Variants in ASNSD1 observed in about 807,000 individuals in gnomAD.
ASNSD1 encodes asparagine synthetase domain containing 1.
Under a neutral mutation model 48.3 loss-of-function variants are expected in ASNSD1, and 36 were observed. The observed-to-expected ratio is 0.75, with a 90% CI of 0.57 to 0.99. The LOEUF (loss-of-function observed/expected upper bound fraction) is 0.99. ASNSD1 is among the 50% of genes least tolerant of loss of function. ASNSD1 has a pLI of 0.00. For synonymous variants in ASNSD1, 257 were observed against 262.1 expected (o/e 0.98, Z 0.19); for missense variants, 714 against 758.2 (o/e 0.94, Z 0.69).
chr2:189,666,152 C>G lies in ASNSD1; in HGVS notation c.20C>G (p.Ser7Cys). The G allele has an allele frequency of 6.3e-7, 1 of 1,579,776 alleles. No individual in the cohort carries two copies. The highest frequency in any genetic ancestry group is 8.6e-7 in the Non-Finnish European group (1 of 1,164,278). Residue 7 changes from serine (S) to cysteine (C), a missense_variant, in exon 4 of 6, where the codon TCT (serine) becomes TGT (cysteine). By Grantham distance (112) the Ser-to-Cys change is moderately radical. Transcript: ENST00000260952. Reference protein sequence around the residue: MCGICCSVNFSAEHFSQ... With the variant: MCGICCCVNFSAEHFSQ... ...ATAACAATGTGTGGCATTTGTTGTT[C>G]TGTAAACTTTTCTGCTGAGCATTTC...
intron 1 of ASNSD1, among the ~76,000 whole-genome samples, chr2:189,662,301 G>A (rs1366770777): frequency 6.6e-6 from 1 of 152,192 alleles, no homozygotes; most frequent in Admixed American, 6.5e-5. Context: ...GAGGGTTATA[G>A]CCCTTCAGGT....
At chr2:189,664,497 A>G (rs544602193) in intron 2 of ASNSD1, among the ~76,000 whole-genome samples, 217 of 152,378 alleles carry the variant, frequency 1.4e-3, no homozygotes, top group Non-Finnish European at 2.9e-3. Context: ...ATTCAGGAAG[A>G]AATGAGTTTG....
intron 5 of ASNSD1, among the ~76,000 whole-genome samples, chr2:189,668,378 A>G (rs192157178): frequency 0.012 from 1,823 of 152,250 alleles, 27 homozygotes; most frequent in Non-Finnish European, 0.014. Flanking sequence ...TTAGCTGATC[A>G]TGGTGCTGCA....
rs1325273008 is a variant in ASNSD1, at chr2:189,667,952, C to T, written c.1646+7C>T. The T allele has an allele frequency of 6.2e-7, 1 of 1,603,038 alleles. No homozygotes were observed. The highest frequency in any genetic ancestry group is 8.5e-7 in the Non-Finnish European group (1 of 1,175,666). ...ATCATGGAAAAGAAGCAAGGTAATT[C>T]TAATCATTTGAGTGTTCTTACGGTA... On this transcript the variant is annotated splice_region_variant and intron_variant, in intron 5 of 5. Transcript: ENST00000260952.
In ASNSD1 at chr2:189,667,037, C is replaced by A; in HGVS notation, c.905C>A (p.Pro302His). The A allele has an allele frequency of 6.2e-7, 1 of 1,613,896 alleles. No individual in the cohort carries two copies. Among genetic ancestry groups the A allele is most frequent in the Non-Finnish European group, 8.5e-7 (1 of 1,179,926 alleles). ...VAVKKRVLCL[P>H]RDENLTANEV... ...GTCAAGAAACGTGTCTTGTGTTTAC[C>A]TAGGGATGAAAACCTGACAGCAAAT... is the stretch of plus-strand genomic sequence containing the variant. The change falls in exon 4 of 6, where the codon CCT becomes CAT. Residue 302 changes from proline (P) to histidine (H), a missense_variant. Transcript: ENST00000260952.
Position 189,666,888 on chromosome 2 carries a change from A to C in ASNSD1, c.756A>C (p.Ala252=), listed in dbSNP as rs778351415. The C allele has an allele frequency of 1.5e-5, 25 of 1,613,998 alleles. No homozygotes were observed. The highest frequency in any genetic ancestry group is 1.5e-4 in the African/African-American group (11 of 74,938). ...TAAATATGATGTTGCCACAAGCTGC[A>C]TTGGAGACTCATTGCAGTAATATTT... ...VPLNMMLPQA[A]LETHCSNISN... The change falls in exon 4 of 6, where the codon GCA becomes GCC. Residue 252 remains alanine (A), a synonymous_variant. Coordinates refer to ENST00000260952, the MANE Select transcript of ASNSD1 (RefSeq NM_019048.4).
At position 189,667,512 on chromosome 2, in the gene ASNSD1, T is replaced by C; in HGVS notation, c.1380T>C (p.Ile460=). The change falls in exon 4 of 6, where the codon ATT becomes ATC. Residue 460 remains isoleucine, a synonymous_variant. Coordinates refer to ENST00000260952, the MANE Select transcript of ASNSD1 (RefSeq NM_019048.4). ...TGGATACAGTTTTGGATGATAGCAT[T>C]GGCTGTGCAGTCTGGTTTGCTTCTA... The part of the protein sequence containing the change: ...RPLDTVLDDS[I]GCAVWFASRG... 6.2e-7 allele frequency: 1 copy of C among 1,614,184 alleles called. No homozygotes were observed. Among genetic ancestry groups the C allele is most frequent in the South Asian group, 1.1e-5 (1 of 91,082 alleles).
chr2:189,670,035 G>A (rs1369584917), intron 5 of ASNSD1, among the ~76,000 whole-genome samples: 3 of 151,988 alleles, frequency 2.0e-5, no homozygotes, highest in African/African-American at 7.3e-5. Flanking sequence ...TAGGCTAGGT[G>A]CGGTGGCTCA....
chr2:189,670,453 G>C lies in ASNSD1; in HGVS notation c.1659G>C (p.Leu553=), dbSNP rs1452075266. The C allele has an allele frequency of 9.3e-6, 15 of 1,608,148 alleles. No individual in the cohort carries two copies. ...DHGKEARFPF[L]DENVVSFLNS... Reference sequence around the variant, plus strand: ...CTGTCTATTTTAGATTTCCTTTCCTGGATGAAAATGTTGTCTCCTTTCTAA... The same window carrying C: ...CTGTCTATTTTAGATTTCCTTTCCTCGATGAAAATGTTGTCTCCTTTCTAA... Residue 553 remains leucine (L), a synonymous_variant, in exon 6 of 6, where the codon CTG becomes CTC. Coordinates refer to ENST00000260952, the MANE Select transcript of ASNSD1 (RefSeq NM_019048.4).
intron 2 of ASNSD1, among the ~76,000 whole-genome samples, chr2:189,664,454 G>C (rs2032740904): frequency 6.6e-6 from 1 of 152,174 alleles, no homozygotes; most frequent in Admixed American, 6.5e-5. Flanking sequence ...CTACTGCTTT[G>C]TGTATGGTTA....
chr2:189,667,834 C>T lies in ASNSD1; in HGVS notation c.1535C>T (p.Ser512Leu), dbSNP rs746067946. 5.0e-6 allele frequency: 8 copies of T among 1,613,898 alleles called. No individual in the cohort carries two copies. The highest frequency in any genetic ancestry group is 2.7e-5 in the African/African-American group (2 of 74,902). The change falls in exon 5 of 6, where the codon TCG becomes TTG. Residue 512 changes from serine to leucine, a missense_variant. By Grantham distance (145) the Ser-to-Leu change is moderately radical. Transcript: ENST00000260952. ...TCTCGTCATCGTGTCCGCTTTCAGT[C>T]GCATGGGCTGGAAGGATTGAATAAG... ...GYSRHRVRFQ[S>L]HGLEGLNKEI...
At chr2:189,669,898 C>T (rs1482864216) in intron 5 of ASNSD1, among the ~76,000 whole-genome samples, 1 of 152,008 alleles carries the variant, frequency 6.6e-6, no homozygotes, top group Non-Finnish European at 1.5e-5. Context: ...CAAAATTTTA[C>T]CATAAGTGTT....
rs1358703631 is a variant in ASNSD1 at position 189,661,481 on chromosome 2, T to C, written c.-352T>C. On this transcript the variant is annotated 5_prime_UTR_variant, in exon 1 of 6. Transcript: ENST00000260952. ...GCTGTGGCTAATGCCGTAGGCTCCT[T>C]CAGGGCTGAGCCATCCCGCGTGTCT... 5.0e-6 allele frequency: 2 copies of C among 399,028 alleles called. No homozygotes were observed. The highest frequency in any genetic ancestry group is 4.4e-5 in the Admixed American group (1 of 22,720). 24.7% of individuals were successfully genotyped at this position (399,028 alleles called of 1,614,324 possible).
At position 189,666,141 on chromosome 2, in the gene ASNSD1, C is replaced by G. The variant is rs2032796055; in HGVS notation, c.9C>G (p.Gly3=). 6.4e-7 allele frequency: 1 copy of G among 1,558,096 alleles called. No homozygotes were observed. Among genetic ancestry groups the G allele is most frequent in the African/African-American group, 1.4e-5 (1 of 72,970 alleles). MC[G]ICCSVNFSAE... is the part of the protein sequence containing the mutation. ...CCTGATTTCACATAACAATGTGTGGCATTTGTTGTTCTGTAAACTTTTCTG... is the reference window on the plus strand; with the variant it reads ...CCTGATTTCACATAACAATGTGTGGGATTTGTTGTTCTGTAAACTTTTCTG... Residue 3 remains glycine (G), a synonymous_variant, in exon 4 of 6, where the codon GGC becomes GGG. Coordinates refer to ENST00000260952, the MANE Select transcript of ASNSD1 (RefSeq NM_019048.4).
chr2:189,662,789 A>G (rs1036802887), intron 1 of ASNSD1, among the ~76,000 whole-genome samples: 1 of 152,054 alleles, frequency 6.6e-6, no homozygotes, highest in Admixed American at 6.5e-5. Context: ...TCCCCTACAA[A>G]TAAATGAAGC....
chr2:189,663,991 G>T (rs2032731165), intron 2 of ASNSD1, 37 bp downstream of exon 2: 2 of 381,508 alleles, frequency 5.2e-6, no homozygotes, highest in East Asian at 7.3e-5. Flanking sequence ...ATATGTGGGA[G>T]GTTTATTTAT....
intron 4 of ASNSD1, 73 bp from the exon 5 acceptor site, chr2:189,667,691 T>C: frequency 1.3e-6 from 2 of 1,539,440 alleles, no homozygotes; most frequent in Non-Finnish European, 8.7e-7. Flanking sequence ...TAGCATATTT[T>C]AGGTGCATTT....
intron 5 of ASNSD1, among the ~76,000 whole-genome samples, chr2:189,669,307 G>C (rs982261550): frequency 1.6e-4 from 25 of 152,216 alleles, no homozygotes; most frequent in Admixed American, 6.5e-5. Context: ...GGACATGAGA[G>C]AGGTAGAAAT....
Position 189,666,265 on chromosome 2 carries a change from T to C in ASNSD1, c.133T>C (p.Tyr45His). 8 of 1,614,162 alleles carry C rather than the reference T, an allele frequency of 5.0e-6. No individual in the cohort carries two copies. Among genetic ancestry groups the C allele is most frequent in the Non-Finnish European group, 5.9e-6 (7 of 1,180,004 alleles). The change falls in exon 4 of 6, where the codon TAC becomes CAC. Residue 45 changes from tyrosine to histidine, a missense_variant. Transcript: ENST00000260952. ...SKQLLKSDVNYQCLFSAHVLH... is the reference protein window; with the variant it reads ...SKQLLKSDVNHQCLFSAHVLH... ...ACAATTGTTAAAGTCTGATGTTAAC[T>C]ACCAGTGTTTATTTTCTGCTCACGT...
Sources: allele counts gnomAD v4.1 joint callset (sites outside exome capture counted in the v4.1 genomes callset), GRCh38; gene constraint gnomAD v4.1.1; transcripts MANE v1.5; gene names NCBI Gene and HGNC (gene_info 2026-07-23, HGNC 2026-07-21).